The following NUDT13 variants were observed in gnomAD, a reference collection of about 807,000 sequenced individuals.
The protein encoded by NUDT13 is NAD(P)H pyrophosphatase NUDT13, mitochondrial.
NUDT13 carries 40 observed loss-of-function variants against 41.7 expected under a neutral mutation model. The observed-to-expected ratio is 0.96, with a 90% confidence interval of 0.75 to 1.25. The LOEUF (loss-of-function observed/expected upper bound fraction) is 1.25, where lower values mean the gene tolerates loss of function less well. Ranked by LOEUF, NUDT13 falls within the 50% of genes most tolerant of loss-of-function variation. The pLI, the probability that NUDT13 is intolerant of heterozygous loss-of-function variation, is 0.00. For synonymous variants in NUDT13, 145 were observed against 155.5 expected (o/e 0.93, Z 0.50); for missense variants, 390 against 416.1 (o/e 0.94, Z 0.55).
At chr10:73,119,890 AGG>A in intron 2 of NUDT13, 126 bp from the exon 3 acceptor site, 1 of 1,002,050 alleles carries the variant, frequency 1.0e-6, no homozygotes, top group Non-Finnish European at 1.5e-6. Flanking sequence ...GGAGCAAATT[AGG>A]TTGTAAATAA....
Position 73,124,248 on chromosome 10 carries a change from C to CA in NUDT13, c.395dup (p.Ser134ValfsTer4). On this transcript the variant is annotated frameshift_variant, in exon 5 of 9. Coordinates refer to ENST00000357321, the MANE Select transcript of NUDT13 (RefSeq NM_015901.6). LOFTEE classifies it high-confidence loss of function. ...ACAAACCTGAAATGGAGACAGAGCT[C>CA]AAGGGGTCTTTCATTGAGCTGAGAA... 1.2e-6 allele frequency: 2 copies of CA among 1,613,172 alleles called. No individual in the cohort carries two copies. Among genetic ancestry groups the CA allele is most frequent in the Non-Finnish European group, 1.7e-6 (2 of 1,179,728 alleles).
chr10:73,125,118 GC>G lies in NUDT13; in HGVS notation c.467del (p.Ala156ValfsTer37). 6.2e-7 allele frequency: 1 copy of G among 1,607,406 alleles called. No individual in the cohort carries two copies. Among genetic ancestry groups the G allele is most frequent in the African/African-American group, 1.3e-5 (1 of 74,354 alleles). ...ACCAGGCCCATCATTGTGTTCCTAGGCTCAAGCTCTTCTCCGCTGGCATGAT... is the reference window on the plus strand; with the variant it reads ...ACCAGGCCCATCATTGTGTTCCTAGGTCAAGCTCTTCTCCGCTGGCATGAT... ...NARDASLLSTAQALLRWHDAH... is the reference protein window; with the variant it reads ...NARDASLLSTXQALLRWHDAH... On this transcript the variant is annotated frameshift_variant and splice_region_variant, in exon 6 of 9. Transcript: ENST00000357321. LOFTEE classifies it high-confidence loss of function.
chr10:73,129,314 A>G (rs1007328667), intron 8 of NUDT13, among the ~76,000 whole-genome samples: 1 of 151,660 alleles, frequency 6.6e-6, no homozygotes, highest in African/African-American at 2.4e-5. Flanking sequence ...CTGGGATTAC[A>G]GGTGCCTGCC....
At chr10:73,124,043 CCTCCTGCCTCAGT>C (rs1216058280) in intron 4 of NUDT13, among the ~76,000 whole-genome samples, 158 bp from the exon 5 acceptor site, 4 of 138,670 alleles carry the variant, frequency 2.9e-5, no homozygotes, top group Non-Finnish European at 5.9e-5. Context: ...CTCAAGCCAT[CCTCCTGCCTCAGT>C]CTCCTGAGTA....
At chr10:73,120,335 G>C (rs991187767) in intron 3 of NUDT13, among the ~76,000 whole-genome samples, 178 bp downstream of exon 3, 1 of 152,194 alleles carries the variant, frequency 6.6e-6, no homozygotes, top group East Asian at 1.9e-4. Flanking sequence ...ATGAACTCTA[G>C]TTGTCCAGTC....
intron 8 of NUDT13, among the ~76,000 whole-genome samples, chr10:73,128,140 A>G (rs1406588811): frequency 6.6e-6 from 1 of 152,180 alleles, no homozygotes; most frequent in Non-Finnish European, 1.5e-5. Flanking sequence ...ATAATATTCT[A>G]TTATAGTATA....
rs548831828 is a variant in NUDT13 at position 73,124,133 on chromosome 10, ATT to A, written c.359-78_359-77del. On this transcript the variant is annotated intron_variant, in intron 4 of 8. Transcript: ENST00000357321. ...TTACGAGGCAAGTTTGGGAAACACT[ATT>A]TTAACAGGATAGACTGGAGAGAGGC... 8.0e-4 allele frequency: 768 copies of A among 964,126 alleles called. 11 individuals carry two copies. In the South Asian group the frequency reaches 0.01, roughly 13 times the overall value. 59.7% of individuals were successfully genotyped at this position (964,126 alleles called of 1,614,324 possible). A position where few individuals can be genotyped will look rare whatever the true frequency, so the allele number is the denominator to read the frequency against.
chr10:73,121,750 G>A (rs1471120018), intron 3 of NUDT13, among the ~76,000 whole-genome samples: 1 of 152,162 alleles, frequency 6.6e-6, no homozygotes, highest in Non-Finnish European at 1.5e-5. Context: ...TAGAGACAGG[G>A]TCTTTGCTGT....
intron 1 of NUDT13, among the ~76,000 whole-genome samples, chr10:73,113,177 G>A (rs931556279): frequency 2.6e-4 from 40 of 152,124 alleles, no homozygotes; most frequent in African/African-American, 6.8e-4. Context: ...GTGAGCCACC[G>A]CACCCAGCCC....
intron 8 of NUDT13, among the ~76,000 whole-genome samples, chr10:73,127,236 C>T (rs1438393905): frequency 6.6e-6 from 1 of 151,846 alleles, no homozygotes; most frequent in Non-Finnish European, 1.5e-5. Flanking sequence ...AAAATTGGCT[C>T]GGCATGGTGG....
intron 4 of NUDT13, among the ~76,000 whole-genome samples, chr10:73,122,617 G>C (rs1282194161): frequency 1.3e-5 from 2 of 151,998 alleles, no homozygotes; most frequent in Non-Finnish European, 2.9e-5. Context: ...TGTCACCCAG[G>C]CTGGAGTGCA....
At chr10:73,119,432 TG>T in intron 2 of NUDT13, 2 of 940,834 alleles carry the variant, frequency 2.1e-6, no homozygotes, top group Non-Finnish European at 2.5e-6. Flanking sequence ...AGGTAAAATT[TG>T]TTCTTTATCT....
rs774640487 is a variant in NUDT13 at position 73,120,003 on chromosome 10, A to G, written c.84-15A>G. On this transcript the variant is annotated splice_polypyrimidine_tract_variant and intron_variant, in intron 2 of 8. Coordinates refer to ENST00000357321, the MANE Select transcript of NUDT13 (RefSeq NM_015901.6). Reference sequence around the variant, plus strand: ...AGGGTGGTTTTGTAATGGTTTGATTATTTCCCAAATACAGGTATTTATTTG... The same window carrying G: ...AGGGTGGTTTTGTAATGGTTTGATTGTTTCCCAAATACAGGTATTTATTTG... 3.1e-6 allele frequency: 5 copies of G among 1,613,420 alleles called. No homozygotes were observed. In the South Asian group the frequency reaches 4.4e-5, roughly 14 times the overall value.
At chr10:73,119,238 G>T (rs1842583800) in intron 2 of NUDT13, among the ~76,000 whole-genome samples, 1 of 151,964 alleles carries the variant, frequency 6.6e-6, no homozygotes, top group Admixed American at 6.6e-5. Context: ...TAGAGACAGG[G>T]TTTCACCATA....
chr10:73,127,236 C>G (rs1438393905), intron 8 of NUDT13, among the ~76,000 whole-genome samples: 1 of 151,848 alleles, frequency 6.6e-6, no homozygotes. Context: ...AAAATTGGCT[C>G]GGCATGGTGG....
chr10:73,125,075 G>C, intron 5 of NUDT13, 43 bp from the exon 6 acceptor site: 1 of 1,567,316 alleles, frequency 6.4e-7, no homozygotes, highest in Middle Eastern at 2.1e-4. Context: ...GATGAGCCCC[G>C]CATTCTCTCC....
intron 2 of NUDT13, among the ~76,000 whole-genome samples, chr10:73,118,195 A>T (rs540429203): frequency 6.6e-6 from 1 of 152,362 alleles, no homozygotes; most frequent in East Asian, 1.9e-4. Context: ...AGGAGGCTAC[A>T]GTGACTCATA....
In NUDT13 at chr10:73,131,147, G is replaced by A; in HGVS notation, c.*244G>A. On this transcript the variant is annotated 3_prime_UTR_variant, in exon 9 of 9. Transcript: ENST00000357321. ...GCTGTCAACTGTCAAAAATCAGGGG[G>A]AAGGGGGAAGCATTAGTTTGGATGT... The A allele has an allele frequency of 2.5e-6, 1 of 396,236 alleles. No individual in the cohort carries two copies. The highest frequency in any genetic ancestry group is 4.8e-5 in the East Asian group (1 of 20,796). 24.5% of individuals were successfully genotyped at this position (396,236 alleles called of 1,614,324 possible). A position where few individuals can be genotyped will look rare whatever the true frequency, so the allele number is the denominator to read the frequency against.
chr10:73,111,133 C>G (rs1279017824), intron 1 of NUDT13, among the ~76,000 whole-genome samples: 1 of 152,108 alleles, frequency 6.6e-6, no homozygotes, highest in Non-Finnish European at 1.5e-5. Context: ...CCCGCCACCA[C>G]GCCCAGCCAC....
Sources: allele counts gnomAD v4.1 joint callset (sites outside exome capture counted in the v4.1 genomes callset), GRCh38; gene constraint gnomAD v4.1.1; transcripts MANE v1.5; gene names NCBI Gene and HGNC (gene_info 2026-07-23, HGNC 2026-07-21).